Variants in TMEFF1 observed in about 807,000 individuals in gnomAD.
TMEFF1 encodes transmembrane protein with EGF like and two follistatin like domains 1, also known as tomoregulin-1.
Under a neutral mutation model 47.5 loss-of-function variants are expected in TMEFF1, and 20 were observed. The observed-to-expected ratio is 0.42, with a 90% CI of 0.30 to 0.61. The LOEUF is 0.61. Among genes scored for constraint, TMEFF1 ranks in the 20% least tolerant of loss-of-function variants. The probability of loss-of-function intolerance (pLI) is 0.19; values close to 1 mark genes in which losing one functional copy is unlikely to be tolerated. For missense variants in TMEFF1, 411 were observed against 471.1 expected (o/e 0.87, Z 1.18); for synonymous variants, 162 against 166.3 (o/e 0.97, Z 0.20).
chr9:100,494,010 C>T (rs1837606166), intron 1 of TMEFF1, among the ~76,000 whole-genome samples: 1 of 151,924 alleles, frequency 6.6e-6, no homozygotes, highest in Admixed American at 6.6e-5. Flanking sequence ...TGGTGAACCC[C>T]ATCTCTACAA....
chr9:100,522,430 C>CTTTTTTTTTTTTTTTTTT (rs869111876), intron 5 of TMEFF1, among the ~76,000 whole-genome samples: 1 of 69,642 alleles, frequency 1.4e-5, no homozygotes, highest in Non-Finnish European at 2.6e-5. Flanking sequence ...GAAATATCTT[C>CTTTTTTTTTTTTTTTTTT]TTTTTTTTTT....
intron 5 of TMEFF1, among the ~76,000 whole-genome samples, chr9:100,533,368 T>C (rs568882180): frequency 4.9e-4 from 75 of 152,318 alleles, no homozygotes; most frequent in Admixed American, 1.4e-3. Flanking sequence ...TGATAGAATT[T>C]TTAAAAAGTT....
At chr9:100,519,191 T>G (rs1179347972) in intron 5 of TMEFF1, among the ~76,000 whole-genome samples, 3 of 152,016 alleles carry the variant, frequency 2.0e-5, no homozygotes, top group Non-Finnish European at 2.9e-5. Flanking sequence ...GGGCAGAGCA[T>G]GAGGTCAAGA....
At chr9:100,553,160 G>A (rs762557570) in intron 7 of TMEFF1, among the ~76,000 whole-genome samples, 21 of 152,108 alleles carry the variant, frequency 1.4e-4, no homozygotes, top group Non-Finnish European at 2.5e-4. Flanking sequence ...TGAATTTGAA[G>A]GCAAGGGGAT....
intron 8 of TMEFF1, among the ~76,000 whole-genome samples, chr9:100,566,276 C>T: frequency 6.6e-6 from 1 of 152,164 alleles, no homozygotes; most frequent in East Asian, 1.9e-4. Flanking sequence ...GCTAATAACT[C>T]CTAATTTACA....
At chr9:100,510,448 AAGCTTGCCTGAGCATCAGTG>A (rs1482704122) in intron 3 of TMEFF1, among the ~76,000 whole-genome samples, 1 of 152,074 alleles carries the variant, frequency 6.6e-6, no homozygotes, top group African/African-American at 2.4e-5. Flanking sequence ...CCAGCCAGGA[AAGCTTGCCTGAGCATCAGTG>A]TTCATAGTTT....
At chr9:100,571,257 A>G (rs1404878762) in intron 8 of TMEFF1, among the ~76,000 whole-genome samples, 1 of 152,170 alleles carries the variant, frequency 6.6e-6, no homozygotes, top group Non-Finnish European at 1.5e-5. Flanking sequence ...ACTTAGCCCT[A>G]AGGAATAACA....
intron 5 of TMEFF1, among the ~76,000 whole-genome samples, chr9:100,530,258 G>A (rs1838351228): frequency 6.6e-6 from 1 of 150,578 alleles, no homozygotes; most frequent in East Asian, 1.9e-4. Context: ...CAGAACTGAA[G>A]GACACAAAAA....
chr9:100,534,060 A>G (rs1351930354), intron 5 of TMEFF1, among the ~76,000 whole-genome samples: 1 of 152,142 alleles, frequency 6.6e-6, no homozygotes, highest in Non-Finnish European at 1.5e-5. Flanking sequence ...GAGGGATGGA[A>G]CCAGGAGGCT....
intron 3 of TMEFF1, among the ~76,000 whole-genome samples, chr9:100,511,810 G>A (rs1488688765): frequency 1.3e-5 from 2 of 152,136 alleles, no homozygotes; most frequent in Admixed American, 6.5e-5. Context: ...CTAGGGATGT[G>A]TATCGTAATC....
intron 1 of TMEFF1, among the ~76,000 whole-genome samples, chr9:100,493,090 C>A (rs565860064): frequency 5.9e-5 from 9 of 152,118 alleles, no homozygotes; most frequent in East Asian, 1.9e-4. Context: ...CTCTCCCCCC[C>A]ACAGGATGTG....
chr9:100,540,942 T>C (rs1838616631), intron 5 of TMEFF1, among the ~76,000 whole-genome samples: 1 of 152,236 alleles, frequency 6.6e-6, no homozygotes, highest in Non-Finnish European at 1.5e-5. Context: ...TGTATTTGTG[T>C]ATTCTGGATA....
chr9:100,532,333 A>G (rs1398496989), intron 5 of TMEFF1, among the ~76,000 whole-genome samples: 2 of 151,540 alleles, frequency 1.3e-5, no homozygotes, highest in African/African-American at 2.4e-5. Flanking sequence ...AATTTTTGCA[A>G]CCTACTCATC....
At chr9:100,522,671 G>A (rs1261665780) in intron 5 of TMEFF1, among the ~76,000 whole-genome samples, 9 of 151,702 alleles carry the variant, frequency 5.9e-5, no homozygotes, top group Admixed American at 3.9e-4. Context: ...TCCTGATCTC[G>A]TGATCCACCT....
rs563751387 is a variant in TMEFF1 at position 100,484,692 on chromosome 9, C to T, written c.196+10952C>T. ...TCATCCAGCCCTAGGCAACCACTGA[C>T]GTACTTTTTTTTTTTTTTTTTGAAA... On this transcript the variant is annotated intron_variant, in intron 1 of 9. Coordinates refer to ENST00000374879, the MANE Select transcript of TMEFF1 (RefSeq NM_003692.5). 1.3e-4 allele frequency among the ~76,000 whole-genome samples: 19 copies of T among 150,880 alleles called. No homozygotes were observed. In the South Asian group the frequency reaches 3.8e-3, roughly 30 times the overall value.
intron 5 of TMEFF1, among the ~76,000 whole-genome samples, chr9:100,517,681 A>C (rs1394557039): frequency 2.6e-5 from 4 of 152,208 alleles, no homozygotes; most frequent in Non-Finnish European, 5.9e-5. Flanking sequence ...TCAATAATAA[A>C]TGAACTCAAC....
At chr9:100,527,010 G>A (rs1838271124) in intron 5 of TMEFF1, among the ~76,000 whole-genome samples, 1 of 149,632 alleles carries the variant, frequency 6.7e-6, no homozygotes, top group Admixed American at 6.6e-5. Flanking sequence ...GGGCGTGGTG[G>A]CACATAACTG....
chr9:100,524,845 A>C (rs1264112496), intron 5 of TMEFF1, among the ~76,000 whole-genome samples: 1 of 152,150 alleles, frequency 6.6e-6, no homozygotes, highest in Non-Finnish European at 1.5e-5. Context: ...GCACCCATCA[A>C]CTTGTCATTT....
At chr9:100,547,657 A>G in intron 5 of TMEFF1, 87 bp from the exon 6 acceptor site, 8 of 1,331,756 alleles carry the variant, frequency 6.0e-6, no homozygotes, top group Non-Finnish European at 7.8e-6. Flanking sequence ...TACAGAAAGC[A>G]GAAGAAAGAA....
Sources: allele counts gnomAD v4.1 joint callset (sites outside exome capture counted in the v4.1 genomes callset), GRCh38; gene constraint gnomAD v4.1.1; transcripts MANE v1.5; gene names NCBI Gene and HGNC (gene_info 2026-07-23, HGNC 2026-07-21).